Variants in ESRRG observed in about 807,000 individuals in gnomAD.
The protein encoded by ESRRG is estrogen-related receptor gamma.
ESRRG carries 13 observed loss-of-function variants against 44.0 expected under a neutral mutation model. That is an observed-to-expected ratio of 0.30 (90% CI 0.19 to 0.47). The LOEUF (loss-of-function observed/expected upper bound fraction) is 0.47, where lower values mean the gene tolerates loss of function less well. ESRRG is among the 20% of genes least tolerant of loss of function. ESRRG has a pLI of 1.00. For synonymous variants in ESRRG, 215 were observed against 214.6 expected (o/e 1.00, Z -0.02); for missense variants, 395 against 580.6 (o/e 0.68, Z 3.29).
At chr1:216,861,186 C>CA (rs915020518) in intron 2 of ESRRG, among the ~76,000 whole-genome samples, 4 of 150,324 alleles carry the variant, frequency 2.7e-5, no homozygotes, top group Non-Finnish European at 5.9e-5. Flanking sequence ...AGAAAGAAAA[C>CA]AAAAAAATGA....
At chr1:216,599,158 T>G (rs2058846843) in intron 3 of ESRRG, among the ~76,000 whole-genome samples, 1 of 152,038 alleles carries the variant, frequency 6.6e-6, no homozygotes, top group Admixed American at 6.5e-5. Context: ...TTCCAATAAA[T>G]TTTTTCTGAT....
At chr1:216,617,512 A>AG (rs1361450256) in intron 3 of ESRRG, among the ~76,000 whole-genome samples, 2 of 152,038 alleles carry the variant, frequency 1.3e-5, no homozygotes, top group Non-Finnish European at 2.9e-5. Context: ...AGAAAAAAAA[A>AG]AAAAAGTTGA....
rs894418537 is a variant in ESRRG, at chr1:216,824,586, C to T, written c.-14+114996G>A. On this transcript the variant is annotated intron_variant, in intron 2 of 7. Coordinates refer to the ESRRG transcript ENST00000359162. The stretch of plus-strand genomic sequence containing the variant: ...GGGAATAGCTTTTGAAATTCTCCAA[C>T]ATACTAAGTTATAATTGGGTTTTAA... Among the ~76,000 whole-genome samples the T allele has an allele frequency of 2.0e-5, 3 of 151,672 alleles. No individual in the cohort carries two copies. The East Asian group carries it at 5.8e-4, about 29-fold the overall frequency.
intron 1 of ESRRG, among the ~76,000 whole-genome samples, chr1:217,061,052 G>A (rs2088350614): frequency 6.6e-6 from 1 of 151,746 alleles, no homozygotes; most frequent in Non-Finnish European, 1.5e-5. Context: ...GGGATCTTAT[G>A]GATTTGTGCT....
chr1:216,876,271 T>C (rs961145705), intron 2 of ESRRG, among the ~76,000 whole-genome samples: 1 of 152,220 alleles, frequency 6.6e-6, no homozygotes, highest in African/African-American at 2.4e-5. Flanking sequence ...TCTTAAAATG[T>C]AAGTACTACA....
chr1:216,892,384 C>T (rs964366894), intron 2 of ESRRG, among the ~76,000 whole-genome samples: 4 of 152,080 alleles, frequency 2.6e-5, no homozygotes, highest in African/African-American at 4.8e-5. Context: ...GTCCCTGGAG[C>T]CCTAGATTTC....
At chr1:216,702,957 C>T (rs1045442889) in intron 1 of ESRRG, among the ~76,000 whole-genome samples, 2 of 151,776 alleles carry the variant, frequency 1.3e-5, no homozygotes. Context: ...GGATTCTTGC[C>T]AGTATATCTT....
chr1:216,559,336 AGTGTT>A (rs2058247883), intron 5 of ESRRG, among the ~76,000 whole-genome samples: 1 of 152,228 alleles, frequency 6.6e-6, no homozygotes, highest in African/African-American at 2.4e-5. Flanking sequence ...AGAGGCTACA[AGTGTT>A]TTAATTCATT....
chr1:216,615,216 G>T (rs2061255344), intron 3 of ESRRG, among the ~76,000 whole-genome samples: 1 of 152,082 alleles, frequency 6.6e-6, no homozygotes, highest in African/African-American at 2.4e-5. Context: ...GACTTTTGTT[G>T]ACCACAAACC....
At chr1:216,949,600 C>T (rs1288988053) in intron 1 of ESRRG, among the ~76,000 whole-genome samples, 1 of 152,090 alleles carries the variant, frequency 6.6e-6, no homozygotes, top group Non-Finnish European at 1.5e-5. Context: ...TCTTTCCTGT[C>T]ACCACCTAAT....
At chr1:216,641,446 A>G (rs896569342) in intron 3 of ESRRG, among the ~76,000 whole-genome samples, 25 of 152,342 alleles carry the variant, frequency 1.6e-4, no homozygotes, top group Non-Finnish European at 1.9e-4. Context: ...CTTTTATATA[A>G]TAGATGAGAT....
chr1:216,806,439 A>C (rs1402756114), intron 2 of ESRRG, among the ~76,000 whole-genome samples: 6 of 152,196 alleles, frequency 3.9e-5, no homozygotes, highest in African/African-American at 1.4e-4. Flanking sequence ...CTAGTATGTT[A>C]ATTAACTGTC....
intron 2 of ESRRG, among the ~76,000 whole-genome samples, chr1:216,783,789 A>G (rs1412564242): frequency 6.6e-6 from 1 of 152,008 alleles, no homozygotes; most frequent in African/African-American, 2.4e-5. Flanking sequence ...TAGGACTCCT[A>G]CTTAAGCTTT....
intron 1 of ESRRG, among the ~76,000 whole-genome samples, chr1:216,964,758 C>T (rs1163802722): frequency 6.7e-6 from 1 of 149,118 alleles, no homozygotes; most frequent in Non-Finnish European, 1.5e-5. Context: ...AAAAAAAAAA[C>T]CTCTGGCAGA....
intron 1 of ESRRG, among the ~76,000 whole-genome samples, chr1:216,940,466 G>C (rs77607687): frequency 2.3e-3 from 345 of 152,336 alleles, no homozygotes; most frequent in African/African-American, 8.0e-3. Context: ...CGAACTTGCA[G>C]CTCAGGGGGT....
intron 1 of ESRRG, among the ~76,000 whole-genome samples, chr1:217,015,011 G>A (rs2079133154): frequency 6.6e-6 from 1 of 152,012 alleles, no homozygotes; most frequent in Admixed American, 6.6e-5. Context: ...ACCAAAAAAA[G>A]CAGAAACCCC....
intron 2 of ESRRG, among the ~76,000 whole-genome samples, chr1:216,661,732 A>AGTTT (rs5780902): frequency 0.18 from 26,923 of 151,996 alleles, 2,846 homozygotes; most frequent in East Asian, 0.43. Flanking sequence ...ATGTGCCCAA[A>AGTTT]GTTTGTCAGA....
intron 2 of ESRRG, among the ~76,000 whole-genome samples, chr1:216,730,908 G>A (rs1172116233): frequency 1.3e-5 from 2 of 152,106 alleles, no homozygotes; most frequent in African/African-American, 4.8e-5. Flanking sequence ...CTAAGAAGGA[G>A]CAATGTACAA....
intron 3 of ESRRG, among the ~76,000 whole-genome samples, chr1:216,621,014 A>G (rs1237871436): frequency 6.6e-6 from 1 of 152,164 alleles, no homozygotes; most frequent in East Asian, 1.9e-4. Flanking sequence ...GTGTTTTCCA[A>G]TGAAGATTCC....
Sources: allele counts gnomAD v4.1 joint callset (sites outside exome capture counted in the v4.1 genomes callset), GRCh38; gene constraint gnomAD v4.1.1; transcripts MANE v1.5; gene names NCBI Gene and HGNC (gene_info 2026-07-23, HGNC 2026-07-21).